PJA2: variants seen among roughly 807,000 people sequenced by gnomAD.
The protein encoded by PJA2 is praja ring finger ubiquitin ligase 2.
A neutral mutation model predicts 69.3 loss-of-function variants in PJA2; 25 were observed. The observed-to-expected ratio is 0.36, with a 90% CI of 0.26 to 0.50. PJA2 has a LOEUF of 0.50. Ranked by LOEUF, PJA2 falls within the 20% of genes least tolerant of loss-of-function variation. PJA2 has a pLI of 0.96. For synonymous variants in PJA2, 308 were observed against 277.8 expected, an observed-to-expected ratio of 1.11 and a Z score of -1.08; for missense variants, 809 against 830.2, an observed-to-expected ratio of 0.97 and a Z score of 0.31.
chr5:109,352,958 A>G (rs1367802362), intron 7 of PJA2, among the ~76,000 whole-genome samples: 1 of 99,028 alleles, frequency 1.0e-5, no homozygotes, highest in Non-Finnish European at 2.1e-5. Flanking sequence ...TATTATATCT[A>G]TAGACATCTA....
Position 109,384,962 on chromosome 5 carries a change from G to A in PJA2, c.-87-1442C>T, listed in dbSNP as rs575894856. 4.9e-3 allele frequency among the ~76,000 whole-genome samples: 753 copies of A among 152,174 alleles called. 6 individuals are homozygous for A. The highest frequency in any genetic ancestry group is 0.017 in the African/African-American group (720 of 41,518). On this transcript the variant is annotated intron_variant, in intron 1 of 9. Transcript: ENST00000361189. ...CCTCCCAGTAGCTGGGACTGTAGGCGTGTGCCACCATGCCCGGCTAATTTT... is the reference window on the plus strand; with the variant it reads ...CCTCCCAGTAGCTGGGACTGTAGGCATGTGCCACCATGCCCGGCTAATTTT...
intron 1 of PJA2, among the ~76,000 whole-genome samples, chr5:109,405,065 T>C (rs1197599291): frequency 2.6e-5 from 4 of 152,088 alleles, no homozygotes; most frequent in African/African-American, 9.7e-5. Flanking sequence ...CTACAAAAAA[T>C]TTACTCAAAT....
chr5:109,376,366 TGA>T (rs1746888136), intron 4 of PJA2, among the ~76,000 whole-genome samples: 1 of 151,044 alleles, frequency 6.6e-6, no homozygotes, highest in African/African-American at 2.4e-5. Context: ...CTTATAACTA[TGA>T]AAAGTCCAGG....
chr5:109,344,908 C>A, intron 7 of PJA2, 89 bp from the exon 8 acceptor site: 1 of 761,610 alleles, frequency 1.3e-6, no homozygotes, highest in Non-Finnish European at 2.2e-6. Flanking sequence ...AATTATATCA[C>A]CATTATTCTC....
chr5:109,400,565 T>C (rs1478720630), intron 1 of PJA2, among the ~76,000 whole-genome samples: 1 of 151,624 alleles, frequency 6.6e-6, no homozygotes, highest in Admixed American at 6.6e-5. Context: ...TCATACATTA[T>C]TTAAAAGATC....
chr5:109,409,609 T>C (rs1021845821), intron 1 of PJA2, among the ~76,000 whole-genome samples: 1 of 151,560 alleles, frequency 6.6e-6, no homozygotes, highest in African/African-American at 2.4e-5. Flanking sequence ...CCGTCCCGGA[T>C]AGGAGCGCGG....
Position 109,381,622 on chromosome 5 carries a change from C to T in PJA2, c.113G>A (p.Arg38Lys). The T allele has an allele frequency of 6.2e-7, 1 of 1,614,070 alleles. No homozygotes were observed. The highest frequency in any genetic ancestry group is 1.1e-5 in the South Asian group (1 of 91,082). ...YQTITGRRYG[R>K]RHAYVSFKPC... ...TTTAAAACTGACATAAGCATGTCTTCTTCCATATCTCCTGCCTGTAATTGT... is the reference window on the plus strand; with the variant it reads ...TTTAAAACTGACATAAGCATGTCTTTTTCCATATCTCCTGCCTGTAATTGT... Residue 38 changes from arginine to lysine, a missense_variant, in exon 3 of 10, where the codon AGA becomes AAA. Arg to Lys is a conservative substitution (Grantham distance 26). Transcript: ENST00000361189.
Position 109,409,965 on chromosome 5 carries a change from C to G in PJA2, c.-211G>C. The G allele has an allele frequency of 4.6e-6, 1 of 216,428 alleles. No homozygotes were observed. Among genetic ancestry groups the G allele is most frequent in the Non-Finnish European group, 9.1e-6 (1 of 110,044 alleles). The allele number at this position is 216,428 out of a possible 1,614,324, so 13.4% of individuals were successfully genotyped here. A position where few individuals can be genotyped will look rare whatever the true frequency, so the allele number is the denominator to read the frequency against. ...AAGCGGCTGGCGGCTGTGGCGGCGG[C>G]GGCGGCGGTGGCGGCGGCGGAAGCA... On this transcript the variant is annotated 5_prime_UTR_variant, in exon 1 of 10. Coordinates refer to ENST00000361189, the MANE Select transcript of PJA2 (RefSeq NM_014819.5).
In PJA2 at chr5:109,337,181, G is replaced by A; in HGVS notation, c.*50C>T. The A allele has an allele frequency of 6.4e-7, 1 of 1,552,872 alleles. No homozygotes were observed. Among genetic ancestry groups the A allele is most frequent in the South Asian group, 1.2e-5 (1 of 80,706 alleles). On this transcript the variant is annotated 3_prime_UTR_variant, in exon 10 of 10. Coordinates refer to ENST00000361189, the MANE Select transcript of PJA2 (RefSeq NM_014819.5). Reference sequence around the variant, plus strand: ...ATTATTTGCACATGAAATTTAGAAGGAATTTGCAGATTTACTTTGATACAC... The same window carrying A: ...ATTATTTGCACATGAAATTTAGAAGAAATTTGCAGATTTACTTTGATACAC...
chr5:109,349,609 A>G (rs758131483), intron 7 of PJA2, among the ~76,000 whole-genome samples: 1 of 152,162 alleles, frequency 6.6e-6, no homozygotes, highest in African/African-American at 2.4e-5. Flanking sequence ...GACTTCCAGC[A>G]AGTTTCACCA....
chr5:109,403,562 A>G (rs1327178236), intron 1 of PJA2, among the ~76,000 whole-genome samples: 1 of 152,050 alleles, frequency 6.6e-6, no homozygotes, highest in Non-Finnish European at 1.5e-5. Flanking sequence ...AGATGCAAAA[A>G]AAAAAAAAAT....
At chr5:109,367,593 G>T (rs1762606836) in intron 5 of PJA2, among the ~76,000 whole-genome samples, 1 of 152,068 alleles carries the variant, frequency 6.6e-6, no homozygotes, top group East Asian at 1.9e-4. Context: ...AAAAGAAAAA[G>T]AATACACATC....
intron 7 of PJA2, among the ~76,000 whole-genome samples, chr5:109,354,417 GATATCT>G (rs1762365939): frequency 7.0e-6 from 1 of 142,566 alleles, no homozygotes; most frequent in African/African-American, 2.7e-5. Context: ...CTATAGATTA[GATATCT>G]ATGATATCTA....
In PJA2 at chr5:109,354,156, T is replaced by TATCAA. The variant is rs1561345817; in HGVS notation, c.1764+1758_1764+1759insTTGAT. On this transcript the variant is annotated intron_variant, in intron 7 of 9. Transcript: ENST00000361189. ...GAGCTGTCTATAGATTAGATATCTA[T>TATCAA]GATATCTAGAGATGTCTATAGATTA... Among the ~76,000 whole-genome samples the TATCAA allele has an allele frequency of 3.6e-3, 191 of 53,586 alleles. 10 individuals are homozygous for TATCAA. The highest frequency in any genetic ancestry group is 0.011 in the Non-Finnish European group (145 of 13,386). 35.2% of individuals were successfully genotyped at this position (53,586 alleles called of 152,430 possible). A position where few individuals can be genotyped will look rare whatever the true frequency, so the allele number is the denominator to read the frequency against.
At chr5:109,392,430 G>A (rs934068709) in intron 1 of PJA2, among the ~76,000 whole-genome samples, 6 of 151,880 alleles carry the variant, frequency 4.0e-5, no homozygotes, top group African/African-American at 9.7e-5. Flanking sequence ...GCATGGTGGT[G>A]CACACCTGTA....
At position 109,335,348 on chromosome 5, in the gene PJA2, T is replaced by C. The variant is rs548459752; in HGVS notation, c.*1883A>G. ...GCTATCTTAAGTTCAGCTCTCAACA[T>C]TGCTGGTTGAGTTTGGAACCAAAAC... On this transcript the variant is annotated 3_prime_UTR_variant, in exon 10 of 10. Coordinates refer to ENST00000361189, the MANE Select transcript of PJA2 (RefSeq NM_014819.5). 2 of 152,770 alleles carry C rather than the reference T, an allele frequency of 1.3e-5. No homozygotes were observed. Among genetic ancestry groups the C allele is most frequent in the Admixed American group, 6.5e-5 (1 of 15,304 alleles). The allele number at this position is 152,770 out of a possible 1,614,324, so 9.5% of individuals were successfully genotyped here.
At chr5:109,369,286 T>G (rs1259507097) in intron 4 of PJA2, among the ~76,000 whole-genome samples, 1 of 152,178 alleles carries the variant, frequency 6.6e-6, no homozygotes, top group Non-Finnish European at 1.5e-5. Context: ...CTTTGTCAGG[T>G]GCTAATTCAA....
chr5:109,381,460 T>C (rs747724527), intron 3 of PJA2, 43 bp downstream of exon 3: 1 of 1,536,544 alleles, frequency 6.5e-7, no homozygotes, highest in African/African-American at 1.4e-5. Context: ...GATCAATTCC[T>C]ATATAACTAT....
chr5:109,378,414 T>C lies in PJA2; in HGVS notation c.1073A>G (p.Asp358Gly). ...TTCTTCACATTTTATTAAGAGGTCA[T>C]CTGAGCCACTTTCCTCAACTTCCAA... ...EALEVEESGS[D>G]DLLIKCEEYD... Residue 358 changes from aspartate to glycine, a missense_variant, in exon 4 of 10, where the codon GAT (aspartate) becomes GGT (glycine). By Grantham distance (94) the Asp-to-Gly change is moderately conservative (BLOSUM62 -1). Transcript: ENST00000361189. 6.2e-7 allele frequency: 1 copy of C among 1,614,170 alleles called. No homozygotes were observed. The highest frequency in any genetic ancestry group is 8.5e-7 in the Non-Finnish European group (1 of 1,180,006).
Sources: allele counts gnomAD v4.1 joint callset (sites outside exome capture counted in the v4.1 genomes callset), GRCh38; gene constraint gnomAD v4.1.1; transcripts MANE v1.5; gene names NCBI Gene and HGNC (gene_info 2026-07-23, HGNC 2026-07-21).